GREB1L: variants seen among roughly 807,000 people sequenced by gnomAD.
GREB1L encodes GREB1-like protein.
A neutral mutation model predicts 200.8 loss-of-function variants in GREB1L; 17 were observed. That is an observed-to-expected ratio of 0.08 (90% CI 0.06 to 0.13). GREB1L has a LOEUF of 0.13. Ranked by LOEUF, GREB1L falls within the 10% of genes least tolerant of loss-of-function variation. GREB1L has a pLI of 1.00. For missense variants in GREB1L, 1,657 were observed against 2,367.7 expected (o/e 0.70, Z 6.23); for synonymous variants, 789 against 893.0 (o/e 0.88, Z 2.08).
Position 21,520,713 on chromosome 18 carries a change from G to A in GREB1L, c.5498G>A (p.Arg1833Lys). ...GTGGCCATATGCTATATCAGCTCCA[G>A]ACCCCACTCCAGCAATGTCAACTGT... ...PEVAICYISSRPHSSNVNCEG... is the reference protein window; with the variant it reads ...PEVAICYISSKPHSSNVNCEG... The change falls in exon 32 of 33, where the codon AGA becomes AAA. Residue 1833 changes from arginine (R) to lysine (K), a missense_variant. Physicochemically the swap from Arg to Lys is conservative, Grantham distance 26. Transcript: ENST00000424526. 1 of 1,551,626 alleles carries A rather than the reference G, an allele frequency of 6.4e-7. No individual in the cohort carries two copies. The highest frequency in any genetic ancestry group is 8.7e-7 in the Non-Finnish European group (1 of 1,146,966).
chr18:21,288,732 A>G (rs1469877589), intron 1 of GREB1L, among the ~76,000 whole-genome samples: 1 of 149,812 alleles, frequency 6.7e-6, no homozygotes, highest in Admixed American at 6.7e-5. Context: ...TAAGGCTACC[A>G]TCCTTTTTTT....
intron 1 of GREB1L, among the ~76,000 whole-genome samples, chr18:21,365,786 CAG>C (rs750071279): frequency 2.3e-4 from 35 of 151,968 alleles, no homozygotes; most frequent in Admixed American, 6.6e-4. Flanking sequence ...ATAAGAACAA[CAG>C]AAATTATCTT....
At chr18:21,508,639 A>G in intron 27 of GREB1L, 48 bp downstream of exon 27, 1 of 1,469,690 alleles carries the variant, frequency 6.8e-7, no homozygotes, top group Non-Finnish European at 9.3e-7. Flanking sequence ...AGATAAACTG[A>G]GCTCCATTCC....
intron 1 of GREB1L, among the ~76,000 whole-genome samples, chr18:21,353,148 C>CTCCA (rs1441240688): frequency 6.7e-6 from 1 of 150,326 alleles, no homozygotes; most frequent in Non-Finnish European, 1.5e-5. Flanking sequence ...CATCACTGCA[C>CTCCA]TCCAGCCTAG....
intron 27 of GREB1L, among the ~76,000 whole-genome samples, chr18:21,510,911 T>C (rs1042567088): frequency 2.0e-5 from 3 of 152,210 alleles, no homozygotes; most frequent in African/African-American, 7.2e-5. Context: ...ATTAGTAATA[T>C]TGAACATCTT....
chr18:21,288,524 C>T (rs1292298503), intron 1 of GREB1L, among the ~76,000 whole-genome samples: 1 of 152,142 alleles, frequency 6.6e-6, no homozygotes, highest in Non-Finnish European at 1.5e-5. Context: ...TGAAAAGGCT[C>T]CCATTTTATA....
rs112816039 is a variant in GREB1L, at chr18:21,505,975, C to G, written c.4368+26C>G. On this transcript the variant is annotated intron_variant, in intron 25 of 32. Transcript: ENST00000424526. Reference sequence around the variant, plus strand: ...GTACCATCCCACCTTCGCCCTCGCCCTCTGTCACCCAGTATGGATTTTGTA... The same window carrying G: ...GTACCATCCCACCTTCGCCCTCGCCGTCTGTCACCCAGTATGGATTTTGTA... The G allele has an allele frequency of 1.6e-4, 247 of 1,542,292 alleles. 3 individuals are homozygous for G. The African/African-American group carries it at 3.0e-3, about 19-fold the overall frequency.
At chr18:21,507,683 TA>T (rs2037070116) in intron 25 of GREB1L, among the ~76,000 whole-genome samples, 1 of 152,238 alleles carries the variant, frequency 6.6e-6, no homozygotes, top group Non-Finnish European at 1.5e-5. Context: ...AGAGGCATTT[TA>T]ATGTCAAACC....
At chr18:21,366,531 CTGAGATATA>C (rs1169225822) in intron 2 of GREB1L, among the ~76,000 whole-genome samples, 2 of 151,952 alleles carry the variant, frequency 1.3e-5, no homozygotes, top group African/African-American at 4.8e-5. Context: ...TAACACTATC[CTGAGATATA>C]TGTTCTAAAG....
chr18:21,444,423 C>G lies in GREB1L; in HGVS notation c.1393+14C>G. 13 of 1,543,234 alleles carry G rather than the reference C, an allele frequency of 8.4e-6. No homozygotes were observed. The highest frequency in any genetic ancestry group is 1.1e-5 in the Non-Finnish European group (13 of 1,141,096). ...TTGTGCGGCTGGGTAAGTCATTTTCCATAATCATTTGCTGGTGACTACTTT... is the reference window on the plus strand; with the variant it reads ...TTGTGCGGCTGGGTAAGTCATTTTCGATAATCATTTGCTGGTGACTACTTT... On this transcript the variant is annotated intron_variant, in intron 11 of 32. Transcript: ENST00000424526.
intron 1 of GREB1L, among the ~76,000 whole-genome samples, chr18:21,268,560 C>CACACATATATATATATAT (rs1204514384): frequency 6.3e-5 from 4 of 63,532 alleles, no homozygotes; most frequent in African/African-American, 3.0e-4. Flanking sequence ...CACACACACA[C>CACACATATATATATATAT]ATATATATAT....
chr18:21,448,943 T>G (rs1026943320), intron 11 of GREB1L, among the ~76,000 whole-genome samples: 2 of 152,126 alleles, frequency 1.3e-5, no homozygotes, highest in Non-Finnish European at 2.9e-5. Flanking sequence ...CATGAAAGCG[T>G]TCTCTATCTG....
chr18:21,306,833 G>A (rs1168400924), intron 1 of GREB1L, among the ~76,000 whole-genome samples: 1 of 152,184 alleles, frequency 6.6e-6, no homozygotes, highest in Non-Finnish European at 1.5e-5. Flanking sequence ...GGAGAAGGGA[G>A]AAGAAAACAG....
At chr18:21,334,133 A>G (rs1029190086) in intron 1 of GREB1L, among the ~76,000 whole-genome samples, 1 of 152,202 alleles carries the variant, frequency 6.6e-6, no homozygotes, top group Non-Finnish European at 1.5e-5. Context: ...TCAAGACAAA[A>G]TCATTAAAAT....
At chr18:21,426,981 A>C (rs796784485) in intron 7 of GREB1L, among the ~76,000 whole-genome samples, 14 of 87,610 alleles carry the variant, frequency 1.6e-4, no homozygotes, top group African/African-American at 3.9e-4. Context: ...AACAAAAAAA[A>C]AAAAAACAAA....
At position 21,440,281 on chromosome 18, in the gene GREB1L, T is replaced by C; in HGVS notation, c.962T>C (p.Ile321Thr). Residue 321 changes from isoleucine to threonine, a missense_variant, in exon 9 of 33, where the codon ATT (isoleucine) becomes ACT (threonine). By Grantham distance (89) the Ile-to-Thr change is moderately conservative. Around this residue, in one of 9 missense-constraint regions of GREB1L, gnomAD observed 289 missense variants for 345.1 expected, o/e 0.84. Transcript: ENST00000424526. ...YASGDQATMF[I>T]SGPPKKRHRG... Reference sequence around the variant, plus strand: ...TGTTTGTCTTCAGCTACCATGTTCATTTCTGGGCCACCAAAGAAACGACAC... The same window carrying C: ...TGTTTGTCTTCAGCTACCATGTTCACTTCTGGGCCACCAAAGAAACGACAC... 2 of 1,551,754 alleles carry C rather than the reference T, an allele frequency of 1.3e-6. No homozygotes were observed. The highest frequency in any genetic ancestry group is 1.7e-6 in the Non-Finnish European group (2 of 1,147,004).
chr18:21,296,437 G>C (rs1407826426), intron 1 of GREB1L, among the ~76,000 whole-genome samples: 4 of 152,160 alleles, frequency 2.6e-5, no homozygotes, highest in Admixed American at 6.5e-5. Context: ...GGAGGGGATG[G>C]AGAGAGGGTG....
At chr18:21,381,527 C>G (rs2040313051) in intron 2 of GREB1L, among the ~76,000 whole-genome samples, 1 of 152,040 alleles carries the variant, frequency 6.6e-6, no homozygotes, top group South Asian at 2.1e-4. Flanking sequence ...TAAAACCCCA[C>G]TGTATATGAA....
At chr18:21,475,547 G>A (rs1028558701) in intron 16 of GREB1L, among the ~76,000 whole-genome samples, 87 of 151,892 alleles carry the variant, frequency 5.7e-4, no homozygotes, top group Non-Finnish European at 8.4e-4. Context: ...TAGTAGAGAT[G>A]GGGTTTCAAC....
Sources: allele counts gnomAD v4.1 joint callset (sites outside exome capture counted in the v4.1 genomes callset), GRCh38; gene constraint gnomAD v4.1.1; regional missense constraint gnomAD v4.1.1; transcripts MANE v1.5; gene names NCBI Gene and HGNC (gene_info 2026-07-23, HGNC 2026-07-21).